ERBB4: variants seen among roughly 807,000 people sequenced by gnomAD.
ERBB4 encodes receptor tyrosine-protein kinase erbB-4.
In ERBB4, 42 loss-of-function variants were observed where a neutral mutation model predicts 158.0. The observed-to-expected ratio is 0.27, with a 90% confidence interval of 0.21 to 0.34. The LOEUF (loss-of-function observed/expected upper bound fraction) is 0.34. ERBB4 is among the 10% of genes least tolerant of loss of function. The pLI is 1.00. For synonymous variants in ERBB4, 583 were observed against 558.7 expected, an observed-to-expected ratio of 1.04 and a Z score of -0.61; for missense variants, 1,333 against 1,624.1, an observed-to-expected ratio of 0.82 and a Z score of 3.08.
chr2:211,562,652 TTG>T (rs1474403728), intron 19 of ERBB4, among the ~76,000 whole-genome samples: 2 of 152,160 alleles, frequency 1.3e-5, no homozygotes, highest in African/African-American at 4.8e-5. Context: ...ATAAGATATT[TTG>T]TTTCATAATT....
At position 212,353,230 on chromosome 2, in the gene ERBB4, T is replaced by C. The variant is rs919504693; in HGVS notation, c.82+185219A>G. 6.6e-5 allele frequency among the ~76,000 whole-genome samples: 10 copies of C among 151,948 alleles called. No homozygotes were observed. In the South Asian group the frequency reaches 8.3e-4, roughly 13 times the overall value. On this transcript the variant is annotated intron_variant, in intron 1 of 27. Transcript: ENST00000342788. The stretch of plus-strand genomic sequence containing the variant: ...GCCCACTAAAAATCATGAAGTGTTA[T>C]ACAAATTATCAGAGATTTTGTATCA...
chr2:211,666,606 A>G (rs1191940990), intron 14 of ERBB4, among the ~76,000 whole-genome samples: 1 of 152,182 alleles, frequency 6.6e-6, no homozygotes. Context: ...ACTTTGGTAA[A>G]TGCTATCTTT....
intron 3 of ERBB4, among the ~76,000 whole-genome samples, chr2:211,843,805 T>C (rs1015339238): frequency 6.6e-6 from 1 of 152,038 alleles, no homozygotes; most frequent in African/African-American, 2.4e-5. Flanking sequence ...AATTAGTGTA[T>C]ATCACTAGTA....
chr2:211,377,945 C>G lies in ERBB4; in HGVS notation c.*5670G>C, dbSNP rs531138069. 8.6e-6 allele frequency: 2 copies of G among 232,734 alleles called. No individual in the cohort carries two copies. The highest frequency in any genetic ancestry group is 4.4e-5 in the African/African-American group (2 of 45,266). 14.4% of individuals were successfully genotyped at this position (232,734 alleles called of 1,614,324 possible). On this transcript the variant is annotated 3_prime_UTR_variant, in exon 28 of 28. Transcript: ENST00000342788. ...GTTTGATAGTTCACTTAAACAGTGT[C>G]CAAATTGCTAGAATCTCTTATGAAA...
At chr2:211,812,763 C>A (rs568726914) in intron 3 of ERBB4, among the ~76,000 whole-genome samples, 1 of 152,326 alleles carries the variant, frequency 6.6e-6, no homozygotes, top group East Asian at 1.9e-4. Flanking sequence ...TGCCTCTCCC[C>A]CTACAGGCTG....
intron 12 of ERBB4, among the ~76,000 whole-genome samples, chr2:211,696,143 C>CT (rs371144319): frequency 3.6e-4 from 53 of 148,916 alleles, no homozygotes; most frequent in African/African-American, 1.3e-3. Flanking sequence ...TCTTTCCTCA[C>CT]TTTGTTGCCC....
intron 1 of ERBB4, among the ~76,000 whole-genome samples, chr2:212,178,275 A>G (rs1439876214): frequency 1.3e-5 from 2 of 151,650 alleles, no homozygotes; most frequent in East Asian, 3.9e-4. Flanking sequence ...TGTAACCCAT[A>G]TTGGAGGATG....
chr2:211,802,785 G>A (rs1390247923), intron 3 of ERBB4, among the ~76,000 whole-genome samples: 1 of 152,190 alleles, frequency 6.6e-6, no homozygotes, highest in Non-Finnish European at 1.5e-5. Flanking sequence ...GTTGGCAGGT[G>A]TAATTAATTA....
At position 212,204,462 on chromosome 2, in the gene ERBB4, C is replaced by A. The variant is rs115058495; in HGVS notation, c.83-79559G>T. On this transcript the variant is annotated intron_variant, in intron 1 of 27. Coordinates refer to ENST00000342788, the MANE Select transcript of ERBB4 (RefSeq NM_005235.3). ...TTTGTAATCCCAGCACTTCAGGAGG[C>A]CAAGACAGGCTGATCATTTGAGGCC... is the stretch of plus-strand genomic sequence containing the variant. 6.0e-3 allele frequency among the ~76,000 whole-genome samples: 911 copies of A among 152,112 alleles called. 8 individuals are homozygous for A. Among genetic ancestry groups the A allele is most frequent in the African/African-American group, 0.02 (849 of 41,460 alleles).
At chr2:212,221,804 A>G (rs1220378064) in intron 1 of ERBB4, among the ~76,000 whole-genome samples, 1 of 151,428 alleles carries the variant, frequency 6.6e-6, no homozygotes, top group Non-Finnish European at 1.5e-5. Flanking sequence ...CCCAAATGTG[A>G]CTTTCCTCCT....
intron 2 of ERBB4, among the ~76,000 whole-genome samples, chr2:212,074,467 A>C (rs540397310): frequency 2.0e-5 from 3 of 152,106 alleles, no homozygotes; most frequent in African/African-American, 7.2e-5. Flanking sequence ...ATTTAATAGA[A>C]GATCATAATG....
intron 20 of ERBB4, among the ~76,000 whole-genome samples, chr2:211,472,478 C>T (rs934175884): frequency 2.0e-5 from 3 of 151,422 alleles, no homozygotes; most frequent in Non-Finnish European, 2.9e-5. Context: ...TTATAAAACG[C>T]TATTATATTA....
At chr2:211,605,635 C>T (rs1217890003) in intron 19 of ERBB4, among the ~76,000 whole-genome samples, 2 of 152,048 alleles carry the variant, frequency 1.3e-5, no homozygotes, top group Admixed American at 1.3e-4. Context: ...AGGCTATTTT[C>T]CCATAATATC....
At chr2:211,635,599 G>T (rs2070327850) in intron 16 of ERBB4, among the ~76,000 whole-genome samples, 1 of 151,790 alleles carries the variant, frequency 6.6e-6, no homozygotes, top group South Asian at 2.1e-4. Flanking sequence ...TCAGATGTCA[G>T]ACCACAAAAA....
At chr2:212,336,089 T>G (rs1177916630) in intron 1 of ERBB4, among the ~76,000 whole-genome samples, 1 of 151,964 alleles carries the variant, frequency 6.6e-6, no homozygotes, top group African/African-American at 2.4e-5. Flanking sequence ...GGGGGATACA[T>G]GGCGGAGGGT....
intron 22 of ERBB4, 148 bp from the exon 23 acceptor site, chr2:211,424,449 C>T: frequency 1.6e-6 from 1 of 630,480 alleles, no homozygotes. Flanking sequence ...ATTCCTGCAT[C>T]CATTATGAGA....
At chr2:211,740,501 G>A (rs532607013) in intron 5 of ERBB4, among the ~76,000 whole-genome samples, 2 of 151,756 alleles carry the variant, frequency 1.3e-5, no homozygotes, top group South Asian at 4.2e-4. Flanking sequence ...AACGTGGCTT[G>A]GCACAAGAAA....
chr2:211,579,160 C>T (rs2067980531), intron 19 of ERBB4, among the ~76,000 whole-genome samples: 1 of 151,838 alleles, frequency 6.6e-6, no homozygotes, highest in African/African-American at 2.4e-5. Flanking sequence ...AGACACTTCT[C>T]AATATAAGAC....
chr2:212,145,911 C>T (rs548502606), intron 1 of ERBB4, among the ~76,000 whole-genome samples: 9 of 152,206 alleles, frequency 5.9e-5, no homozygotes, highest in African/African-American at 2.2e-4. Context: ...AAAACTCTTT[C>T]ATTTCATCCT....
Sources: allele counts gnomAD v4.1 joint callset (sites outside exome capture counted in the v4.1 genomes callset), GRCh38; gene constraint gnomAD v4.1.1; transcripts MANE v1.5; gene names NCBI Gene and HGNC (gene_info 2026-07-23, HGNC 2026-07-21).